PARD3B: variants seen among roughly 807,000 people sequenced by gnomAD.
PARD3B encodes par-3 family cell polarity regulator beta.
PARD3B carries 103 observed loss-of-function variants against 130.2 expected under a neutral mutation model. The observed-to-expected ratio is 0.79, with a 90% CI of 0.67 to 0.93. The LOEUF is 0.93. PARD3B is among the 40% of genes least tolerant of loss of function. The pLI, the probability that PARD3B is intolerant of heterozygous loss-of-function variation, is 0.00. For synonymous variants in PARD3B, 583 were observed against 553.2 expected, an observed-to-expected ratio of 1.05 and a Z score of -0.76; for missense variants, 1,609 against 1,499.2, an observed-to-expected ratio of 1.07 and a Z score of -1.21.
chr2:204,917,954 G>T (rs938356879), intron 2 of PARD3B, among the ~76,000 whole-genome samples: 1 of 152,068 alleles, frequency 6.6e-6, no homozygotes, highest in African/African-American at 2.4e-5. Context: ...ATAGTGACAG[G>T]TTTTTTCTTA....
At chr2:205,526,732 C>T (rs1225945808) in intron 21 of PARD3B, among the ~76,000 whole-genome samples, 2 of 152,138 alleles carry the variant, frequency 1.3e-5, no homozygotes, top group Non-Finnish European at 2.9e-5. Context: ...ACCACTTCTG[C>T]TTAGTGCTTT....
intron 18 of PARD3B, among the ~76,000 whole-genome samples, chr2:205,389,374 C>G (rs1471552174): frequency 1.3e-5 from 2 of 151,960 alleles, no homozygotes; most frequent in African/African-American, 4.8e-5. Context: ...ATTATTATTA[C>G]TTTTTGAGAC....
intron 2 of PARD3B, among the ~76,000 whole-genome samples, chr2:204,941,730 T>C (rs1688919780): frequency 6.6e-6 from 1 of 152,196 alleles, no homozygotes; most frequent in Non-Finnish European, 1.5e-5. Flanking sequence ...ATGCTGTACA[T>C]GATGAGCAAA....
intron 22 of PARD3B, among the ~76,000 whole-genome samples, chr2:205,610,282 T>C (rs1216250600): frequency 6.6e-6 from 1 of 152,196 alleles, no homozygotes; most frequent in African/African-American, 2.4e-5. Context: ...CAAGCCCAGG[T>C]ACCACACTTG....
At chr2:204,611,785 A>G (rs997970930) in intron 1 of PARD3B, among the ~76,000 whole-genome samples, 6 of 152,206 alleles carry the variant, frequency 3.9e-5, no homozygotes, top group Non-Finnish European at 8.8e-5. Flanking sequence ...ATTTGCGTAC[A>G]TCCCATATCT....
intron 4 of PARD3B, among the ~76,000 whole-genome samples, chr2:205,052,780 A>C (rs950457449): frequency 2.6e-5 from 4 of 152,184 alleles, no homozygotes; most frequent in African/African-American, 9.6e-5. Context: ...ACCTGTTTAC[A>C]TGACACATAA....
intron 2 of PARD3B, among the ~76,000 whole-genome samples, chr2:204,713,378 A>G (rs547748564): frequency 6.6e-6 from 1 of 151,850 alleles, no homozygotes; most frequent in South Asian, 2.1e-4. Context: ...TTTCATCCCA[A>G]TAAAAAAATA....
At chr2:205,204,770 G>T (rs1214972240) in intron 15 of PARD3B, among the ~76,000 whole-genome samples, 1 of 152,056 alleles carries the variant, frequency 6.6e-6, no homozygotes, top group Non-Finnish European at 1.5e-5. Flanking sequence ...GATGTGTGAT[G>T]TTATTTCTGA....
At position 205,291,189 on chromosome 2, in the gene PARD3B, C is replaced by G. The variant is rs560368782; in HGVS notation, c.2186-9341C>G. On this transcript the variant is annotated intron_variant, in intron 16 of 22. Coordinates refer to ENST00000406610, the MANE Select transcript of PARD3B (RefSeq NM_001302769.2). This position sits in a 1 kb window ranked among gnomAD's most constrained non-coding sequence, Gnocchi z 4.6. ...AAAAGCCCACATTGTCATGACTGAA[C>G]TTTTAAAAGGTGATTCTGGCAAGGG... Among the ~76,000 whole-genome samples, 2 of 152,094 alleles carry G rather than the reference C, an allele frequency of 1.3e-5. No individual in the cohort carries two copies. Among genetic ancestry groups the G allele is most frequent in the South Asian group, 4.1e-4 (2 of 4,822 alleles).
intron 2 of PARD3B, among the ~76,000 whole-genome samples, chr2:204,855,982 G>C (rs544931808): frequency 4.6e-4 from 70 of 152,112 alleles, no homozygotes; most frequent in South Asian, 1.0e-3. Context: ...TCATATCTTG[G>C]CTATTTTTGA....
At chr2:204,863,555 G>A (rs932594754) in intron 2 of PARD3B, among the ~76,000 whole-genome samples, 3 of 152,180 alleles carry the variant, frequency 2.0e-5, no homozygotes, top group Admixed American at 6.5e-5. Context: ...TTAGAACTTC[G>A]GTTGCCTGGC....
intron 16 of PARD3B, among the ~76,000 whole-genome samples, chr2:205,249,187 T>G (rs2039726679): frequency 6.8e-6 from 1 of 146,724 alleles, no homozygotes; most frequent in Admixed American, 6.7e-5. Context: ...TTTTTTTTTT[T>G]TTTGTATTTT....
chr2:204,707,543 A>G (rs1484155859), intron 2 of PARD3B, among the ~76,000 whole-genome samples: 2 of 152,226 alleles, frequency 1.3e-5, no homozygotes, highest in Non-Finnish European at 2.9e-5. Context: ...GGATAACTAA[A>G]TAAATTATTG....
chr2:204,777,880 A>G (rs1373186013), intron 2 of PARD3B, among the ~76,000 whole-genome samples: 2 of 152,226 alleles, frequency 1.3e-5, no homozygotes, highest in Admixed American at 6.5e-5. Flanking sequence ...TTGGATCAAG[A>G]GGGTGGTTTC....
At position 204,930,284 on chromosome 2, in the gene PARD3B, A is replaced by C. The variant is rs569414142; in HGVS notation, c.223-34868A>C. Among the ~76,000 whole-genome samples the C allele has an allele frequency of 1.3e-4, 20 of 151,534 alleles. No individual in the cohort carries two copies. The East Asian group carries it at 1.9e-3, about 15-fold the overall frequency. On this transcript the variant is annotated intron_variant, in intron 2 of 22. Transcript: ENST00000406610. ...GTATTCCCAGGGGACTGATTCCAGGACCTTCTGCAGATACCAAAATCTGTG... is the reference window on the plus strand; with the variant it reads ...GTATTCCCAGGGGACTGATTCCAGGCCCTTCTGCAGATACCAAAATCTGTG...
intron 18 of PARD3B, among the ~76,000 whole-genome samples, chr2:205,381,181 T>A (rs1192425455): frequency 8.3e-6 from 1 of 120,362 alleles, no homozygotes; most frequent in Non-Finnish European, 1.6e-5. Flanking sequence ...ATAATATATA[T>A]AAAGAATATA....
intron 18 of PARD3B, among the ~76,000 whole-genome samples, chr2:205,304,410 C>A (rs546297591): frequency 1.3e-5 from 2 of 151,974 alleles, no homozygotes; most frequent in Admixed American, 6.6e-5. Flanking sequence ...CCAAGACGGG[C>A]GGATCACCTG....
intron 22 of PARD3B, among the ~76,000 whole-genome samples, chr2:205,611,350 G>C (rs148284592): frequency 6.6e-6 from 1 of 152,036 alleles, no homozygotes; most frequent in Admixed American, 6.6e-5. Flanking sequence ...TCATCCTTGC[G>C]TAAACTGAAG....
intron 18 of PARD3B, among the ~76,000 whole-genome samples, chr2:205,319,525 G>C (rs1363698977): frequency 1.3e-5 from 2 of 152,220 alleles, no homozygotes; most frequent in African/African-American, 2.4e-5. Context: ...GTAGCTGGCA[G>C]AGTATACCTG....
Sources: allele counts gnomAD v4.1 joint callset (sites outside exome capture counted in the v4.1 genomes callset), GRCh38; gene constraint gnomAD v4.1.1; non-coding constraint Gnocchi (gnomAD v3.1); transcripts MANE v1.5; gene names NCBI Gene and HGNC (gene_info 2026-07-23, HGNC 2026-07-21).